The following PCDH15 variants were observed in gnomAD, a reference collection of about 807,000 sequenced individuals.
The protein encoded by PCDH15 is protocadherin related 15, also known as protocadherin-15.
In PCDH15, 129 loss-of-function variants were observed where a neutral mutation model predicts 178.5. The observed-to-expected ratio is 0.72, with a 90% CI of 0.63 to 0.84. The LOEUF is 0.84. Ranked by LOEUF, PCDH15 falls within the 40% of genes least tolerant of loss-of-function variation. The pLI, the probability that PCDH15 is intolerant of heterozygous loss-of-function variation, is 0.00. For missense variants in PCDH15, 2,230 were observed against 2,099.9 expected (o/e 1.06, Z -1.21); for synonymous variants, 800 against 732.0 (o/e 1.09, Z -1.50).
chr10:55,381,004 T>C (rs1433071716), intron 2 of PCDH15, among the ~76,000 whole-genome samples: 1 of 152,144 alleles, frequency 6.6e-6, no homozygotes, highest in East Asian at 1.9e-4. Flanking sequence ...ACCCAAGTGG[T>C]AGGAAAGAAT....
chr10:54,791,022 A>G (rs1951358005), intron 1 of PCDH15, among the ~76,000 whole-genome samples: 1 of 151,948 alleles, frequency 6.6e-6, no homozygotes, highest in African/African-American at 2.4e-5. Context: ...AATACTCAAA[A>G]TACTCCTAGA....
intron 8 of PCDH15, among the ~76,000 whole-genome samples, chr10:54,271,579 C>T (rs1449156961): frequency 6.6e-6 from 1 of 152,134 alleles, no homozygotes; most frequent in African/African-American, 2.4e-5. Flanking sequence ...ACATTGTATA[C>T]TTTTCCATAG....
At chr10:54,601,361 G>A (rs1393887348) in intron 2 of PCDH15, among the ~76,000 whole-genome samples, 1 of 151,888 alleles carries the variant, frequency 6.6e-6, no homozygotes, top group African/African-American at 2.4e-5. Context: ...CCACTAAAAA[G>A]GGTGAAAAGT....
At chr10:54,435,650 C>T (rs994643006) in intron 3 of PCDH15, among the ~76,000 whole-genome samples, 25 of 152,068 alleles carry the variant, frequency 1.6e-4, no homozygotes, top group Admixed American at 1.2e-3. Context: ...AATAGATACA[C>T]AGCACAGTGG....
rs533729303 is a variant in PCDH15, at chr10:54,521,178, A to G, written c.157+6634T>C. On this transcript the variant is annotated intron_variant, in intron 3 of 37. Coordinates refer to ENST00000644397, the MANE Select transcript of PCDH15 (RefSeq NM_001384140.1). ...GTATACATATGTAACAAACCTGCACATTGTGCACATGTACCCTAAAACTTA... is the reference window on the plus strand; with the variant it reads ...GTATACATATGTAACAAACCTGCACGTTGTGCACATGTACCCTAAAACTTA... Among the ~76,000 whole-genome samples, 3 of 152,168 alleles carry G rather than the reference A, an allele frequency of 2.0e-5. No individual in the cohort carries two copies. In the East Asian group the frequency reaches 5.8e-4, roughly 29 times the overall value.
intron 2 of PCDH15, among the ~76,000 whole-genome samples, chr10:55,392,756 T>A (rs1837827099): frequency 6.6e-6 from 1 of 150,836 alleles, no homozygotes; most frequent in Admixed American, 6.6e-5. Context: ...TTTAAAACAT[T>A]TTTTAGACTG....
At chr10:55,414,941 G>A (rs954841478) in intron 2 of PCDH15, among the ~76,000 whole-genome samples, 1 of 151,470 alleles carries the variant, frequency 6.6e-6, no homozygotes, top group Non-Finnish European at 1.5e-5. Context: ...AATTGTTCTT[G>A]CTAGTATCTA....
intron 1 of PCDH15, among the ~76,000 whole-genome samples, chr10:54,678,286 G>A (rs1168519608): frequency 1.3e-5 from 2 of 152,056 alleles, no homozygotes; most frequent in Non-Finnish European, 2.9e-5. Flanking sequence ...CTCATGTATT[G>A]ATTTATGCTT....
At position 55,277,510 on chromosome 10, in the gene PCDH15, G is replaced by A. The variant is rs181092616; in HGVS notation, c.-156+42089C>T. ...TCCTGGATTCATTCTGAAATATATC[G>A]CAGAGTAGATTCAAGTAGTGAAAAA... On this transcript the variant is annotated intron_variant, in intron 1 of 5. Transcript: ENST00000458638. Among the ~76,000 whole-genome samples the A allele has an allele frequency of 9.9e-5, 15 of 151,956 alleles. No homozygotes were observed. The East Asian group carries it at 1.7e-3, about 18-fold the overall frequency.
At chr10:54,800,773 G>A (rs1952590625) in intron 1 of PCDH15, among the ~76,000 whole-genome samples, 152 bp downstream of exon 1, 1 of 152,112 alleles carries the variant, frequency 6.6e-6, no homozygotes, top group Non-Finnish European at 1.5e-5. Context: ...ATAATCACTT[G>A]CAATCATTAC....
At chr10:55,083,502 A>T (rs2132028185) in intron 2 of PCDH15, among the ~76,000 whole-genome samples, 1 of 152,078 alleles carries the variant, frequency 6.6e-6, no homozygotes, top group Admixed American at 6.6e-5. Flanking sequence ...TAAGATCTTG[A>T]ACAGGACAAG....
At chr10:53,980,156 G>A (rs889870750) in intron 21 of PCDH15, among the ~76,000 whole-genome samples, 3 of 151,598 alleles carry the variant, frequency 2.0e-5, no homozygotes. Context: ...TGGGGCAGGA[G>A]GTTGCAGTGA....
At chr10:55,350,194 A>G (rs746170809) in intron 2 of PCDH15, among the ~76,000 whole-genome samples, 2 of 146,032 alleles carry the variant, frequency 1.4e-5, no homozygotes, top group Non-Finnish European at 3.0e-5. Flanking sequence ...ACAGGTGTGT[A>G]TATGTAGGGG....
At chr10:54,531,700 A>G in intron 2 of PCDH15, among the ~76,000 whole-genome samples, 1 of 152,210 alleles carries the variant, frequency 6.6e-6, no homozygotes, top group Non-Finnish European at 1.5e-5. Flanking sequence ...TTTAAAAAAT[A>G]TATTAACATA....
intron 15 of PCDH15, among the ~76,000 whole-genome samples, chr10:54,121,062 GA>G (rs59572644): frequency 0.38 from 46,735 of 122,512 alleles, 8,559 homozygotes; most frequent in East Asian, 0.87. Context: ...CTCAGCAAAT[GA>G]AAAAAAAAAA....
intron 5 of PCDH15, among the ~76,000 whole-genome samples, chr10:54,360,035 G>A (rs370797280): frequency 6.6e-6 from 1 of 152,188 alleles, no homozygotes; most frequent in African/African-American, 2.4e-5. Flanking sequence ...TGATGTTTAT[G>A]TTTTCGTCTG....
chr10:53,837,548 A>T (rs1174659749), intron 29 of PCDH15, among the ~76,000 whole-genome samples: 1 of 152,152 alleles, frequency 6.6e-6, no homozygotes, highest in Non-Finnish European at 1.5e-5. Context: ...GATGATTTCT[A>T]ATCCTTTGAC....
At chr10:55,173,542 G>A (rs1160120766) in intron 1 of PCDH15, among the ~76,000 whole-genome samples, 1 of 151,852 alleles carries the variant, frequency 6.6e-6, no homozygotes, top group Non-Finnish European at 1.5e-5. Context: ...ATACATGTGT[G>A]GTTGAAAGCT....
At chr10:55,582,615 TATATA>T (rs1277069258) in intron 2 of PCDH15, among the ~76,000 whole-genome samples, 38 of 96,596 alleles carry the variant, frequency 3.9e-4, no homozygotes, top group African/African-American at 6.5e-4. Flanking sequence ...TATATATATA[TATATA>T]TATATATATT....
Sources: gnomAD v4.1 joint callset for allele counts (sites outside exome capture counted in the v4.1 genomes callset) on GRCh38, gnomAD v4.1.1 for gene constraint, MANE v1.5 for transcripts, NCBI Gene and HGNC (gene_info 2026-07-23, HGNC 2026-07-21) for gene names.